Variants in ABCC1 observed in about 807,000 individuals in gnomAD.
ABCC1 encodes the protein ATP binding cassette subfamily C member 1 (ABCC1 blood group), also known as multidrug resistance-associated protein 1.
Under a neutral mutation model 172.9 loss-of-function variants are expected in ABCC1, and 83 were observed. The observed-to-expected ratio is 0.48, with a 90% CI of 0.40 to 0.58. The LOEUF is 0.58. Ranked by LOEUF, ABCC1 falls within the 20% of genes least tolerant of loss-of-function variation. The pLI is 0.00. For synonymous variants in ABCC1, 937 were observed against 825.2 expected (o/e 1.14, Z -2.32); for missense variants, 1,817 against 2,002.7 (o/e 0.91, Z 1.77).
At chr16:16,006,425 GA>G (rs11441920) in intron 1 of ABCC1, among the ~76,000 whole-genome samples, 10 of 149,276 alleles carry the variant, frequency 6.7e-5, no homozygotes, top group South Asian at 4.3e-4. Flanking sequence ...TTCAAAAAAA[GA>G]AAAAAAAAAG....
intron 28 of ABCC1, among the ~76,000 whole-genome samples, chr16:16,135,405 G>A (rs2045882087): frequency 6.6e-6 from 1 of 152,030 alleles, no homozygotes; most frequent in African/African-American, 2.4e-5. Flanking sequence ...CCTCTTACAA[G>A]TGAGAACACA....
chr16:16,111,354 C>G, intron 21 of ABCC1, 21 bp from the exon 22 acceptor site: 5 of 1,611,808 alleles, frequency 3.1e-6, no homozygotes, highest in Non-Finnish European at 4.2e-6. Flanking sequence ...GCTAAGCTGC[C>G]TTATCTCCTG....
intron 7 of ABCC1, among the ~76,000 whole-genome samples, chr16:16,042,702 CA>C (rs60790951): frequency 0.46 from 56,993 of 123,864 alleles, 12,261 homozygotes; most frequent in African/African-American, 0.65. Context: ...GACTCCATCT[CA>C]AAAAAAAAAA....
intron 1 of ABCC1, among the ~76,000 whole-genome samples, chr16:15,990,718 C>A (rs961381281): frequency 1.3e-5 from 2 of 151,752 alleles, no homozygotes; most frequent in African/African-American, 4.8e-5. Context: ...GGCACGATCT[C>A]GGCTCACTGC....
chr16:16,043,338 G>T lies in ABCC1; in HGVS notation c.810-1112G>T, dbSNP rs185303003. On this transcript the variant is annotated intron_variant, in intron 7 of 30. Transcript: ENST00000399410. Reference sequence around the variant, plus strand: ...TTTCTTTTTGAGACTGAGTCTTTTTGCCCAGGCTGGAGTGCAATGGTGTGG... The same window carrying T: ...TTTCTTTTTGAGACTGAGTCTTTTTTCCCAGGCTGGAGTGCAATGGTGTGG... 8.9e-3 allele frequency among the ~76,000 whole-genome samples: 1,270 copies of T among 142,412 alleles called. 18 individuals are homozygous for T. The highest frequency in any genetic ancestry group is 0.031 in the African/African-American group (1,194 of 38,456). 93.4% of individuals were successfully genotyped at this position (142,412 alleles called of 152,430 possible).
intron 24 of ABCC1, among the ~76,000 whole-genome samples, chr16:16,122,466 C>T (rs1475633789): frequency 6.7e-6 from 1 of 148,272 alleles, no homozygotes; most frequent in East Asian, 1.9e-4. Context: ...GCAAGACTGC[C>T]AGCGACCGAC....
At chr16:16,132,552 T>C (rs1477865527) in intron 27 of ABCC1, among the ~76,000 whole-genome samples, 3 of 131,968 alleles carry the variant, frequency 2.3e-5, no homozygotes, top group Non-Finnish European at 3.2e-5. Context: ...GATGGAGTCT[T>C]ACTCTGTTGC....
intron 5 of ABCC1, among the ~76,000 whole-genome samples, chr16:16,018,548 C>CA (rs1485814457): frequency 6.6e-6 from 1 of 151,330 alleles, no homozygotes; most frequent in Non-Finnish European, 1.5e-5. Context: ...GACTCTGTCT[C>CA]AAAAAAAGAA....
chr16:16,048,331 C>G (rs1013445118), intron 10 of ABCC1, 28 bp downstream of exon 10: 1 of 1,611,740 alleles, frequency 6.2e-7, no homozygotes, highest in Admixed American at 1.7e-5. Context: ...TTTCCCTTTG[C>G]ATGCAGGGAG....
chr16:15,964,134 G>A (rs1378317758), intron 1 of ABCC1, among the ~76,000 whole-genome samples: 2 of 152,042 alleles, frequency 1.3e-5, no homozygotes, highest in Non-Finnish European at 2.9e-5. Context: ...GTAGAGACAG[G>A]ATTTCACCAT....
intron 19 of ABCC1, among the ~76,000 whole-genome samples, chr16:16,097,742 G>GC (rs1172020661): frequency 1.3e-5 from 2 of 152,216 alleles, no homozygotes; most frequent in Admixed American, 1.3e-4. Flanking sequence ...TTGTCAGTCT[G>GC]CCCATCTGTC....
intron 19 of ABCC1, among the ~76,000 whole-genome samples, chr16:16,099,380 G>A (rs1309071359): frequency 6.6e-6 from 1 of 152,172 alleles, no homozygotes; most frequent in South Asian, 2.1e-4. Flanking sequence ...GAGGGATGTC[G>A]CCTAGTGGAA....
chr16:16,104,024 A>G (rs1399030638), intron 20 of ABCC1, among the ~76,000 whole-genome samples: 1 of 152,030 alleles, frequency 6.6e-6, no homozygotes, highest in Non-Finnish European at 1.5e-5. Context: ...TAAGTGTTAC[A>G]GCTCTTAAGG....
In ABCC1 at chr16:16,138,515, C is replaced by G. The variant is rs1283735539; in HGVS notation, c.4444C>G (p.Leu1482Val). The change falls in exon 30 of 31, where the codon CTC (leucine) becomes GTC (valine). Residue 1482 changes from leucine (L) to valine (V), a missense_variant. Transcript: ENST00000399410. ...GACACAGTTCGAGGACTGCACCGTCCTCACCATCGCCCACCGGCTCAACAC... is the reference window on the plus strand; with the variant it reads ...GACACAGTTCGAGGACTGCACCGTCGTCACCATCGCCCACCGGCTCAACAC... ...IRTQFEDCTVLTIAHRLNTIM... is the reference protein window; with the variant it reads ...IRTQFEDCTVVTIAHRLNTIM... 6.3e-7 allele frequency: 1 copy of G among 1,577,000 alleles called. No homozygotes were observed.
intron 15 of ABCC1, among the ~76,000 whole-genome samples, chr16:16,076,712 G>A (rs893833035): frequency 1.3e-5 from 2 of 152,144 alleles, no homozygotes; most frequent in African/African-American, 2.4e-5. Context: ...TTTCAGGTGC[G>A]GTGTGATCCA....
In ABCC1 at chr16:16,121,980, CT is replaced by C; in HGVS notation, c.3397del (p.Tyr1133ThrfsTer8). ...GLIYFFVQRF[Y>X]VASSRQLKRL... ...GCGTCTGTTCTCTACCCCAGAGGTT[CT>C]ACGTGGCTTCCTCCCGGCAGCTGAA... On this transcript the variant is annotated frameshift_variant, in exon 24 of 31. Transcript: ENST00000399410. LOFTEE classifies it high-confidence loss of function. 1 of 1,614,216 alleles carries C rather than the reference CT, an allele frequency of 6.2e-7. No individual in the cohort carries two copies. The highest frequency in any genetic ancestry group is 1.1e-5 in the South Asian group (1 of 91,082).
At chr16:15,961,220 G>A (rs1428327092) in intron 1 of ABCC1, among the ~76,000 whole-genome samples, 2 of 152,048 alleles carry the variant, frequency 1.3e-5, no homozygotes, top group African/African-American at 2.4e-5. Flanking sequence ...TAACTGAAAC[G>A]TTTGTGATCA....
chr16:16,055,032 C>A (rs1306864126), intron 11 of ABCC1, among the ~76,000 whole-genome samples: 1 of 152,058 alleles, frequency 6.6e-6, no homozygotes, highest in Non-Finnish European at 1.5e-5. Context: ...GAGTGCAAGA[C>A]CAGCCTGAGC....
chr16:16,011,992 G>C (rs1005053368), intron 3 of ABCC1, among the ~76,000 whole-genome samples: 3 of 152,000 alleles, frequency 2.0e-5, no homozygotes, highest in Non-Finnish European at 4.4e-5. Context: ...TGTAGAGACA[G>C]GGTCTCCCTA....
Sources: gnomAD v4.1 joint callset for allele counts (sites outside exome capture counted in the v4.1 genomes callset) on GRCh38, gnomAD v4.1.1 for gene constraint, MANE v1.5 for transcripts, NCBI Gene and HGNC (gene_info 2026-07-23, HGNC 2026-07-21) for gene names.